FLI1: variants seen among roughly 807,000 people sequenced by gnomAD.
FLI1 encodes Fli-1 proto-oncogene, ETS transcription factor, also known as Friend leukemia integration 1 transcription factor.
FLI1 carries 13 observed loss-of-function variants against 53.1 expected under a neutral mutation model. That is an observed-to-expected ratio of 0.24 (90% CI 0.16 to 0.39). The LOEUF is 0.39. Among genes scored for constraint, FLI1 ranks in the 10% least tolerant of loss-of-function variants. FLI1 has a pLI of 1.00. For missense variants in FLI1, 424 were observed against 600.5 expected (o/e 0.71, Z 3.07); for synonymous variants, 244 against 236.7 (o/e 1.03, Z -0.28).
chr11:128,809,250 T>C (rs1482424518), intron 8 of FLI1, 46 bp downstream of exon 8: 1 of 1,551,022 alleles, frequency 6.4e-7, no homozygotes, highest in Admixed American at 1.7e-5. Flanking sequence ...GAATGTTTCG[T>C]AGCTTTGTGA....
At position 128,760,928 on chromosome 11, in the gene FLI1, G is replaced by T. The variant is rs562190117; in HGVS notation, c.230+2602G>T. Among the ~76,000 whole-genome samples the T allele has an allele frequency of 7.9e-5, 12 of 152,220 alleles. No individual in the cohort carries two copies. In the South Asian group the frequency reaches 2.5e-3, roughly 32 times the overall value. Reference sequence around the variant, plus strand: ...AGCAGCACCTCTCCTAGGCTTCTGCGGGGGCATCCTGCTCTCCCCACTTCC... The same window carrying T: ...AGCAGCACCTCTCCTAGGCTTCTGCTGGGGCATCCTGCTCTCCCCACTTCC... On this transcript the variant is annotated intron_variant, in intron 2 of 8. Coordinates refer to ENST00000527786, the MANE Select transcript of FLI1 (RefSeq NM_002017.5).
At chr11:128,779,376 G>A (rs544876632) in intron 4 of FLI1, among the ~76,000 whole-genome samples, 10 of 152,264 alleles carry the variant, frequency 6.6e-5, no homozygotes, top group South Asian at 2.1e-4. Context: ...TATTCCCTCC[G>A]AACATTTGGT....
chr11:128,771,692 A>G (rs1419059817), intron 3 of FLI1, among the ~76,000 whole-genome samples: 1 of 152,140 alleles, frequency 6.6e-6, no homozygotes, highest in Non-Finnish European at 1.5e-5. Context: ...GACTTACAAT[A>G]AAATGCCGAG....
intron 1 of FLI1, among the ~76,000 whole-genome samples, chr11:128,714,103 A>C (rs952634080): frequency 6.6e-6 from 1 of 152,122 alleles, no homozygotes; most frequent in Admixed American, 6.5e-5. Flanking sequence ...ATGCATCCAG[A>C]AATTTCAAAG....
chr11:128,715,427 T>C (rs1184761663), intron 1 of FLI1, among the ~76,000 whole-genome samples: 1 of 152,152 alleles, frequency 6.6e-6, no homozygotes, highest in African/African-American at 2.4e-5. Context: ...GCATTAAAAA[T>C]AGTGAAAGCC....
intron 5 of FLI1, among the ~76,000 whole-genome samples, chr11:128,789,361 G>A (rs137997332): frequency 9.3e-4 from 142 of 152,304 alleles, no homozygotes; most frequent in African/African-American, 3.3e-3. Context: ...GCTCAGCGAA[G>A]GAGCGGAGAG....
At chr11:128,689,061 G>A (rs1473453533), upstream of FLI1, among the ~76,000 whole-genome samples, 1 of 152,162 alleles carries the variant, frequency 6.6e-6, no homozygotes, top group Non-Finnish European at 1.5e-5. Flanking sequence ...ACAGCCCTTT[G>A]AGATAAGTCC....
intron 1 of FLI1, among the ~76,000 whole-genome samples, chr11:128,726,090 T>C (rs1339752431): frequency 6.6e-6 from 1 of 152,160 alleles, no homozygotes; most frequent in Non-Finnish European, 1.5e-5. Flanking sequence ...ACTATCACAT[T>C]ACTGAGTCTT....
intron 1 of FLI1, among the ~76,000 whole-genome samples, chr11:128,695,326 T>TCC (rs1938014625): frequency 6.6e-6 from 1 of 152,214 alleles, no homozygotes; most frequent in African/African-American, 2.4e-5. Context: ...GTGACGGGCC[T>TCC]TAGAGGACCT....
At chr11:128,779,006 G>T (rs1366325927) in intron 4 of FLI1, among the ~76,000 whole-genome samples, 1 of 152,238 alleles carries the variant, frequency 6.6e-6, no homozygotes, top group African/African-American at 2.4e-5. Flanking sequence ...CTCCTTCTAG[G>T]AGTGAAACTT....
chr11:128,748,565 A>G (rs369063579), intron 1 of FLI1, among the ~76,000 whole-genome samples: 1 of 152,066 alleles, frequency 6.6e-6, no homozygotes, highest in East Asian at 1.9e-4. Context: ...CCTGGGAGGC[A>G]GAGGTTGCGG....
At chr11:128,798,164 G>C (rs1284254177) in intron 5 of FLI1, among the ~76,000 whole-genome samples, 1 of 152,220 alleles carries the variant, frequency 6.6e-6, no homozygotes, top group Non-Finnish European at 1.5e-5. Context: ...ACCAGAGGCA[G>C]ATTTGACCTA....
At chr11:128,791,321 G>T (rs780005733) in intron 5 of FLI1, among the ~76,000 whole-genome samples, 1 of 151,986 alleles carries the variant, frequency 6.6e-6, no homozygotes, top group Non-Finnish European at 1.5e-5. Context: ...TTCCTTTGCC[G>T]GGTATACCTT....
rs534764982 is a variant in FLI1, at chr11:128,720,893, G to A, written c.18+26617G>A. 7.0e-4 allele frequency among the ~76,000 whole-genome samples: 107 copies of A among 152,276 alleles called. 1 individual carries two copies. Among genetic ancestry groups the A allele is most frequent in the African/African-American group, 2.4e-3 (100 of 41,550 alleles). On this transcript the variant is annotated intron_variant, in intron 1 of 8. Coordinates refer to ENST00000527786, the MANE Select transcript of FLI1 (RefSeq NM_002017.5). ...CTCTGTGTGTGGCGGAGGTGGGGAA[G>A]GTGCTTTCTGAGGGCTCTTTGTCTG...
chr11:128,799,205 CA>C (rs1393064943), intron 5 of FLI1, among the ~76,000 whole-genome samples: 5 of 151,854 alleles, frequency 3.3e-5, no homozygotes, highest in Non-Finnish European at 7.4e-5. Flanking sequence ...CCACCACACC[CA>C]GCCTGAGAGC....
chr11:128,745,565 G>T (rs1225352238), intron 1 of FLI1, among the ~76,000 whole-genome samples: 1 of 152,206 alleles, frequency 6.6e-6, no homozygotes, highest in Admixed American at 6.5e-5. Context: ...CACCAAGCAT[G>T]GCTCAGCCGT....
chr11:128,731,800 C>T (rs1042829635), intron 1 of FLI1, among the ~76,000 whole-genome samples: 8 of 151,976 alleles, frequency 5.3e-5, no homozygotes, highest in Non-Finnish European at 7.4e-5. Flanking sequence ...GTCAGGAGTT[C>T]GAGATCAGCC....
chr11:128,777,729 G>A (rs939836853), intron 4 of FLI1, among the ~76,000 whole-genome samples: 7 of 152,226 alleles, frequency 4.6e-5, no homozygotes, highest in Non-Finnish European at 8.8e-5. Flanking sequence ...TAGCAGTGCA[G>A]CCCAGAGAAA....
At chr11:128,776,390 C>T (rs1941727655) in intron 4 of FLI1, among the ~76,000 whole-genome samples, 1 of 152,238 alleles carries the variant, frequency 6.6e-6, no homozygotes, top group African/African-American at 2.4e-5. Context: ...GGGTTTACAC[C>T]TGTCAATCCC....
Sources: allele counts gnomAD v4.1 joint callset (sites outside exome capture counted in the v4.1 genomes callset), GRCh38; gene constraint gnomAD v4.1.1; transcripts MANE v1.5; gene names NCBI Gene and HGNC (gene_info 2026-07-23, HGNC 2026-07-21).